The following RTTN variants were observed in gnomAD, a reference collection of about 807,000 sequenced individuals.
RTTN encodes the protein rotatin.
RTTN carries 182 observed loss-of-function variants against 269.2 expected under a neutral mutation model. The observed-to-expected ratio is 0.68, with a 90% confidence interval of 0.60 to 0.76. The LOEUF is 0.76. Among genes scored for constraint, RTTN ranks in the 30% least tolerant of loss-of-function variants. RTTN has a pLI of 0.00. For missense variants in RTTN, 2,545 were observed against 2,608.6 expected (o/e 0.98, Z 0.53); for synonymous variants, 1,006 against 963.5 (o/e 1.04, Z -0.82).
intron 39 of RTTN, 127 bp downstream of exon 39, chr18:70,051,284 C>A: frequency 8.7e-7 from 1 of 1,144,544 alleles, no homozygotes; most frequent in South Asian, 2.3e-5. Context: ...AGCAAGCACC[C>A]TGATACCTCT....
chr18:70,067,745 T>C (rs1002098835), intron 34 of RTTN, among the ~76,000 whole-genome samples: 5 of 152,194 alleles, frequency 3.3e-5, no homozygotes, highest in African/African-American at 7.2e-5. Context: ...TTATTACTGA[T>C]ATAAATAGAA....
intron 28 of RTTN, among the ~76,000 whole-genome samples, chr18:70,096,832 A>G (rs2059016903): frequency 6.6e-6 from 1 of 152,222 alleles, no homozygotes; most frequent in Non-Finnish European, 1.5e-5. Context: ...CTGTGCTGGG[A>G]GATCCACTGC....
At chr18:70,095,736 T>A (rs2058985310) in intron 28 of RTTN, among the ~76,000 whole-genome samples, 1 of 152,062 alleles carries the variant, frequency 6.6e-6, no homozygotes, top group South Asian at 2.1e-4. Context: ...ATATTTTCCT[T>A]CATTTCAGCC....
intron 40 of RTTN, among the ~76,000 whole-genome samples, chr18:70,041,414 G>A (rs905815708): frequency 5.3e-5 from 8 of 151,112 alleles, no homozygotes; most frequent in African/African-American, 1.5e-4. Flanking sequence ...GCCTGAAAAC[G>A]AGAAAGCAGA....
At chr18:70,203,946 C>CA in intron 3 of RTTN, 140 bp downstream of exon 3, 2 of 685,474 alleles carry the variant, frequency 2.9e-6, no homozygotes, top group South Asian at 4.3e-5. Flanking sequence ...GGAAAAAGGT[C>CA]AAAATCATGT....
intron 47 of RTTN, 39 bp downstream of exon 47, chr18:70,006,342 G>T: frequency 1.4e-6 from 2 of 1,437,244 alleles, no homozygotes; most frequent in Non-Finnish European, 2.0e-6. Flanking sequence ...ATACCTTGTT[G>T]TTTGCTCCCC....
intron 34 of RTTN, among the ~76,000 whole-genome samples, chr18:70,067,450 C>T (rs112120684): frequency 0.019 from 2,965 of 152,176 alleles, 84 homozygotes; most frequent in African/African-American, 0.067. Context: ...TGAGCCACCG[C>T]GCCCAGCAAG....
intron 34 of RTTN, among the ~76,000 whole-genome samples, chr18:70,066,718 T>C (rs1160842260): frequency 6.6e-6 from 1 of 152,224 alleles, no homozygotes; most frequent in Admixed American, 6.5e-5. Context: ...CCATAGAAGT[T>C]ATAAACCATC....
At chr18:70,164,081 G>GTTA (rs2060920609) in intron 14 of RTTN, among the ~76,000 whole-genome samples, 1 of 152,084 alleles carries the variant, frequency 6.6e-6, no homozygotes, top group Non-Finnish European at 1.5e-5. Flanking sequence ...AGAATGAGGA[G>GTTA]TTATTGTTTA....
chr18:70,097,199 T>C (rs1482746581), intron 28 of RTTN, among the ~76,000 whole-genome samples: 7 of 152,204 alleles, frequency 4.6e-5, no homozygotes, highest in Non-Finnish European at 1.0e-4. Flanking sequence ...AGTTAAAAAG[T>C]CTCATTTCAC....
At chr18:70,063,796 G>C (rs2058056691) in intron 35 of RTTN, among the ~76,000 whole-genome samples, 1 of 151,368 alleles carries the variant, frequency 6.6e-6, no homozygotes, top group Admixed American at 6.6e-5. Flanking sequence ...CAATTTTCTT[G>C]CTAATTTATT....
At chr18:70,113,879 G>T (rs1312901797) in intron 27 of RTTN, among the ~76,000 whole-genome samples, 2 of 152,116 alleles carry the variant, frequency 1.3e-5, no homozygotes, top group Non-Finnish European at 2.9e-5. Context: ...GGCTGCCAGG[G>T]CCCAGAGGAA....
At chr18:70,046,028 G>A (rs1599257206) in intron 40 of RTTN, among the ~76,000 whole-genome samples, 1 of 151,828 alleles carries the variant, frequency 6.6e-6, no homozygotes, top group Non-Finnish European at 1.5e-5. Flanking sequence ...ATAAGGGCAA[G>A]GTAAATTTCA....
intron 40 of RTTN, among the ~76,000 whole-genome samples, chr18:70,037,157 G>C (rs1415528719): frequency 6.6e-6 from 1 of 152,200 alleles, no homozygotes; most frequent in African/African-American, 2.4e-5. Context: ...CGTAAAGCCA[G>C]TGCTCTGGGG....
chr18:70,119,898 T>C (rs2059692421), intron 26 of RTTN, among the ~76,000 whole-genome samples: 1 of 152,220 alleles, frequency 6.6e-6, no homozygotes, highest in South Asian at 2.1e-4. Context: ...TAATAAATGC[T>C]GGGTATGCAA....
At position 70,059,901 on chromosome 18, in the gene RTTN, C is replaced by G. The variant is rs182595458; in HGVS notation, c.4889G>C (p.Arg1630Thr). Residue 1630 changes from arginine (R) to threonine (T), a missense_variant, in exon 36 of 49, where the codon AGA becomes ACA. Transcript: ENST00000640769. ...TTGTCGAAAAGCCTTTGCAGTGTCT[C>G]TGGGAGCAATCGTCAAGAGGTTGTC... Reference protein sequence around the residue: ...LLDNLLTIAPRDTAKAFRQAH... With the variant: ...LLDNLLTIAPTDTAKAFRQAH... The G allele has an allele frequency of 2.3e-3, 3,672 of 1,613,466 alleles. 122 individuals are homozygous for G. In the Admixed American group the frequency reaches 0.058, roughly 26 times the overall value.
intron 46 of RTTN, among the ~76,000 whole-genome samples, chr18:70,015,303 T>C (rs2056507474): frequency 6.6e-6 from 1 of 152,042 alleles, no homozygotes; most frequent in African/African-American, 2.4e-5. Flanking sequence ...CCTCAAATGA[T>C]CCACCCACCA....
At chr18:70,032,048 G>C (rs902414224) in intron 40 of RTTN, among the ~76,000 whole-genome samples, 1 of 152,226 alleles carries the variant, frequency 6.6e-6, no homozygotes, top group African/African-American at 2.4e-5. Context: ...AGTGGAAGCA[G>C]AACTCCAGCT....
intron 44 of RTTN, 108 bp from the exon 45 acceptor site, chr18:70,020,925 C>T (rs2056685811): frequency 4.7e-6 from 4 of 855,980 alleles, no homozygotes; most frequent in Middle Eastern, 2.3e-4. Flanking sequence ...AGGCCATTAA[C>T]CTGTGAACTG....
Sources: gnomAD v4.1 joint callset for allele counts (sites outside exome capture counted in the v4.1 genomes callset) on GRCh38, gnomAD v4.1.1 for gene constraint, MANE v1.5 for transcripts, NCBI Gene and HGNC (gene_info 2026-07-23, HGNC 2026-07-21) for gene names.